The following ZNF609 variants were observed in gnomAD, a reference collection of about 807,000 sequenced individuals.
ZNF609 encodes zinc finger protein 609.
ZNF609 carries 11 observed loss-of-function variants against 109.5 expected under a neutral mutation model. The ratio of observed to expected loss-of-function variants is 0.10; its 90% CI spans 0.06 to 0.17. The LOEUF is 0.17. Among genes scored for constraint, ZNF609 ranks in the 10% least tolerant of loss-of-function variants. The pLI, the probability that ZNF609 is intolerant of heterozygous loss-of-function variation, is 1.00. For missense variants in ZNF609, 1,559 were observed against 1,772.4 expected, an observed-to-expected ratio of 0.88 and a Z score of 2.16; for synonymous variants, 646 against 662.0, an observed-to-expected ratio of 0.98 and a Z score of 0.37.
intron 3 of ZNF609, chr15:64,643,682 A>C (rs756033433): frequency 1.3e-5 from 2 of 152,190 alleles, no homozygotes; most frequent in Non-Finnish European, 2.9e-5. Flanking sequence ...ACCAGTGTAA[A>C]GTGTGTCAGC....
intron 2 of ZNF609, among the ~76,000 whole-genome samples, chr15:64,570,057 G>A (rs1306583120): frequency 2.0e-5 from 3 of 152,110 alleles, no homozygotes; most frequent in East Asian, 3.9e-4. Context: ...TAGGGGTCTC[G>A]CTATATTGCC....
At chr15:64,628,813 T>C (rs1896016903) in intron 3 of ZNF609, among the ~76,000 whole-genome samples, 1 of 151,976 alleles carries the variant, frequency 6.6e-6, no homozygotes, top group Admixed American at 6.6e-5. Flanking sequence ...TCAGTAGAGA[T>C]GGGGTTTTTC....
chr15:64,660,333 C>T (rs570214694), intron 3 of ZNF609, among the ~76,000 whole-genome samples: 1 of 152,146 alleles, frequency 6.6e-6, no homozygotes, highest in Admixed American at 6.5e-5. Flanking sequence ...AAATACAGTT[C>T]CCCTCTGGCC....
intron 2 of ZNF609, among the ~76,000 whole-genome samples, chr15:64,563,915 G>T (rs1466858779): frequency 1.3e-5 from 2 of 151,982 alleles, no homozygotes; most frequent in Non-Finnish European, 1.5e-5. Context: ...ACGGAGTCTC[G>T]CTCTGTCACC....
At chr15:64,540,346 A>T (rs1894228855) in intron 2 of ZNF609, among the ~76,000 whole-genome samples, 1 of 152,208 alleles carries the variant, frequency 6.6e-6, no homozygotes, top group Non-Finnish European at 1.5e-5. Flanking sequence ...TGTGTTTAGT[A>T]ATCCAGATTA....
rs1425643827 is a variant in ZNF609 at position 64,625,930 on chromosome 15, TATATATAGAGAG to T, written c.973+2880_973+2891del. Among the ~76,000 whole-genome samples, 253 of 72,784 alleles carry T rather than the reference TATATATAGAGAG, an allele frequency of 3.5e-3. 2 individuals carry two copies. The highest frequency in any genetic ancestry group is 3.8e-3 in the Non-Finnish European group (143 of 37,440). 47.7% of individuals were successfully genotyped at this position (72,784 alleles called of 152,430 possible). On this transcript the variant is annotated intron_variant, in intron 3 of 9. Transcript: ENST00000326648. ...AAAAAAAAAAATATATATATATATA[TATATATAGAGAG>T]AGAGAGAGAGAGAGAGAGAGAGAGA...
intron 2 of ZNF609, among the ~76,000 whole-genome samples, chr15:64,563,264 A>G (rs1894711576): frequency 6.6e-6 from 1 of 152,052 alleles, no homozygotes; most frequent in African/African-American, 2.4e-5. Context: ...AGCCTGGGGA[A>G]CATGGTAAAA....
chr15:64,506,062 C>T lies in ZNF609; in HGVS notation c.747+5896C>T, dbSNP rs557439785. On this transcript the variant is annotated intron_variant, in intron 2 of 9. Coordinates refer to ENST00000326648, the MANE Select transcript of ZNF609 (RefSeq NM_015042.2). ...TGTTTCCTACCTTTGCACTTATTTACTGAGTGATCTTGACCAAGTTTCTTA... is the reference window on the plus strand; with the variant it reads ...TGTTTCCTACCTTTGCACTTATTTATTGAGTGATCTTGACCAAGTTTCTTA... Among the ~76,000 whole-genome samples the T allele has an allele frequency of 7.2e-5, 11 of 152,308 alleles. No individual in the cohort carries two copies. The South Asian group carries it at 2.3e-3, about 32-fold the overall frequency.
chr15:64,558,491 T>C (rs1356836906), intron 2 of ZNF609, among the ~76,000 whole-genome samples: 4 of 152,262 alleles, frequency 2.6e-5, no homozygotes, highest in African/African-American at 7.2e-5. Flanking sequence ...GTATTGTTAC[T>C]GTTGTCTGGC....
At chr15:64,500,659 A>C (rs923313814) in intron 2 of ZNF609, 1 of 533,536 alleles carries the variant, frequency 1.9e-6, no homozygotes, top group South Asian at 2.5e-5. Flanking sequence ...ATTTCATGGC[A>C]TATCTACGAA....
At chr15:64,497,887 C>T (rs1357759393) in intron 1 of ZNF609, among the ~76,000 whole-genome samples, 3 of 135,280 alleles carry the variant, frequency 2.2e-5, no homozygotes, top group Admixed American at 8.0e-5. Context: ...GGCAACAGAA[C>T]AAGGCTCTGA....
chr15:64,468,239 T>TCCTC (rs1389375122), intron 1 of ZNF609, among the ~76,000 whole-genome samples: 3 of 147,524 alleles, frequency 2.0e-5, no homozygotes, highest in Non-Finnish European at 3.0e-5. Context: ...CTTCCTTCCT[T>TCCTC]CCTCCTTTCC....
At chr15:64,557,268 A>G in intron 2 of ZNF609, among the ~76,000 whole-genome samples, 1 of 151,384 alleles carries the variant, frequency 6.6e-6, no homozygotes, top group Admixed American at 6.6e-5. Flanking sequence ...AGATGGTCAG[A>G]TTTTTTGTAC....
At chr15:64,569,564 A>T (rs1215407176) in intron 2 of ZNF609, among the ~76,000 whole-genome samples, 1 of 152,266 alleles carries the variant, frequency 6.6e-6, no homozygotes, top group Non-Finnish European at 1.5e-5. Flanking sequence ...CCAAGCAGGT[A>T]GAAGATACTT....
chr15:64,502,980 G>C (rs1893582204), intron 2 of ZNF609: 1 of 151,426 alleles, frequency 6.6e-6, no homozygotes, highest in Admixed American at 6.6e-5. Context: ...GATAGCTTGA[G>C]CCTGCGAGGT....
intron 3 of ZNF609, among the ~76,000 whole-genome samples, chr15:64,632,452 T>G (rs1896098489): frequency 6.6e-6 from 1 of 151,844 alleles, no homozygotes; most frequent in Non-Finnish European, 1.5e-5. Flanking sequence ...AATAAAGGGT[T>G]TTTTGTTTGT....
chr15:64,543,229 C>G lies in ZNF609; in HGVS notation c.747+43063C>G, dbSNP rs141170711. ...TTAAGACACACAGCTCTTCAGAATTCCATCCCAGTCTGTTTTTTGTTGTTG... is the reference window on the plus strand; with the variant it reads ...TTAAGACACACAGCTCTTCAGAATTGCATCCCAGTCTGTTTTTTGTTGTTG... On this transcript the variant is annotated intron_variant, in intron 2 of 9. Transcript: ENST00000326648. 3.6e-3 allele frequency among the ~76,000 whole-genome samples: 541 copies of G among 149,846 alleles called. 7 individuals are homozygous for G. The highest frequency in any genetic ancestry group is 0.013 in the African/African-American group (513 of 40,742).
chr15:64,473,085 A>G (rs537004110), intron 1 of ZNF609, among the ~76,000 whole-genome samples: 2 of 152,012 alleles, frequency 1.3e-5, no homozygotes, highest in South Asian at 2.1e-4. Flanking sequence ...ATATGCTTTC[A>G]GATGTACTTC....
intron 1 of ZNF609, among the ~76,000 whole-genome samples, chr15:64,487,107 T>C (rs1268269780): frequency 6.6e-6 from 1 of 152,214 alleles, no homozygotes; most frequent in South Asian, 2.1e-4. Context: ...TTAATATCAT[T>C]ACTTAATTTT....
Sources: allele counts gnomAD v4.1 joint callset (sites outside exome capture counted in the v4.1 genomes callset), GRCh38; gene constraint gnomAD v4.1.1; transcripts MANE v1.5; gene names NCBI Gene and HGNC (gene_info 2026-07-23, HGNC 2026-07-21).